Variants in THSD7B observed in about 807,000 individuals in gnomAD.
THSD7B encodes the protein thrombospondin type-1 domain-containing protein 7B.
A neutral mutation model predicts 213.6 loss-of-function variants in THSD7B; 138 were observed. That is an observed-to-expected ratio of 0.65 (90% CI 0.56 to 0.74). THSD7B has a LOEUF of 0.74. THSD7B is among the 30% of genes least tolerant of loss of function. THSD7B has a pLI of 0.00. For missense variants in THSD7B, 1,931 were observed against 1,991.5 expected (o/e 0.97, Z 0.58); for synonymous variants, 742 against 687.0 (o/e 1.08, Z -1.25).
intron 4 of THSD7B, among the ~76,000 whole-genome samples, chr2:137,105,021 C>G (rs531188360): frequency 6.6e-6 from 1 of 152,212 alleles, no homozygotes; most frequent in South Asian, 2.1e-4. Flanking sequence ...CTATTCCAAA[C>G]AATAGAAAAA....
Position 137,638,045 on chromosome 2 carries a change from T to C in THSD7B, c.3800-4443T>C, listed in dbSNP as rs1483827143. 1.3e-5 allele frequency among the ~76,000 whole-genome samples: 2 copies of C among 152,228 alleles called. 1 individual carries two copies. The highest frequency in any genetic ancestry group is 6.3e-3 in the Middle Eastern group (2 of 316). On this transcript the variant is annotated intron_variant, in intron 20 of 27. Transcript: ENST00000409968. Reference sequence around the variant, plus strand: ...GACAACATTTGATGTGAATGATATCTGACCTGTATGATTTGAGTGATGCTG... The same window carrying C: ...GACAACATTTGATGTGAATGATATCCGACCTGTATGATTTGAGTGATGCTG...
intron 2 of THSD7B, chr2:136,990,744 G>A: frequency 2.3e-6 from 1 of 432,988 alleles, no homozygotes; most frequent in Middle Eastern, 3.6e-4. Flanking sequence ...TTTGTAGTTT[G>A]TTCTTCCCCT....
intron 2 of THSD7B, among the ~76,000 whole-genome samples, chr2:137,029,224 A>G (rs184082873): frequency 4.6e-4 from 70 of 151,780 alleles, no homozygotes; most frequent in African/African-American, 1.7e-3. Context: ...GACTACAGGC[A>G]CCTGCCAACA....
chr2:137,282,423 T>G (rs1683047827), intron 12 of THSD7B, among the ~76,000 whole-genome samples: 1 of 152,232 alleles, frequency 6.6e-6, no homozygotes, highest in Non-Finnish European at 1.5e-5. Flanking sequence ...ATCCCATCTG[T>G]CAATGTTGGC....
chr2:137,247,484 C>T (rs1049504351), intron 10 of THSD7B, among the ~76,000 whole-genome samples: 1 of 152,102 alleles, frequency 6.6e-6, no homozygotes, highest in Non-Finnish European at 1.5e-5. Context: ...GGTAAAGTTA[C>T]TAGACTGAAG....
At chr2:137,419,375 C>CTTTTTTTTTTTTTTT (rs1558791227) in intron 14 of THSD7B, among the ~76,000 whole-genome samples, 2 of 96,092 alleles carry the variant, frequency 2.1e-5, no homozygotes, top group Admixed American at 2.3e-4. Flanking sequence ...GTCCTGAGTT[C>CTTTTTTTTTTTTTTT]TTGTCCCACA....
At chr2:137,478,310 A>G (rs534990023) in intron 15 of THSD7B, among the ~76,000 whole-genome samples, 2 of 152,236 alleles carry the variant, frequency 1.3e-5, no homozygotes, top group South Asian at 2.1e-4. Flanking sequence ...TGGAAGACCT[A>G]TCTTAACATT....
chr2:137,085,402 G>A (rs535594490), intron 3 of THSD7B, among the ~76,000 whole-genome samples: 94 of 151,988 alleles, frequency 6.2e-4, no homozygotes, highest in African/African-American at 2.2e-3. Context: ...ATGAGATAAT[G>A]TACAGAGAGA....
intron 3 of THSD7B, among the ~76,000 whole-genome samples, chr2:137,086,197 C>A (rs776955746): frequency 8.6e-5 from 13 of 151,996 alleles, no homozygotes; most frequent in African/African-American, 2.9e-4. Flanking sequence ...ATTAGCTGGG[C>A]GTGATGGTGC....
chr2:137,626,847 T>C (rs564533835), intron 20 of THSD7B, among the ~76,000 whole-genome samples: 1 of 152,332 alleles, frequency 6.6e-6, no homozygotes, highest in Admixed American at 6.5e-5. Flanking sequence ...GTAACAAGGA[T>C]AGTGTTTTAT....
At chr2:136,834,219 A>G (rs1292944596) in intron 1 of THSD7B, among the ~76,000 whole-genome samples, 1 of 152,230 alleles carries the variant, frequency 6.6e-6, no homozygotes, top group African/African-American at 2.4e-5. Flanking sequence ...CCTGGTCAGC[A>G]TCTATCCTGT....
Position 137,103,428 on chromosome 2 carries a change from C to T in THSD7B, c.1199+8307C>T, listed in dbSNP as rs538015290. On this transcript the variant is annotated intron_variant, in intron 4 of 27. Transcript: ENST00000409968. Reference sequence around the variant, plus strand: ...AATCCAGTACCAGCCAATGCAAAAACATACCAAGTTGTAAAGACCATTGAC... The same window carrying T: ...AATCCAGTACCAGCCAATGCAAAAATATACCAAGTTGTAAAGACCATTGAC... Among the ~76,000 whole-genome samples, 5 of 152,240 alleles carry T rather than the reference C, an allele frequency of 3.3e-5. No homozygotes were observed. In the East Asian group the frequency reaches 9.7e-4, roughly 29 times the overall value.
intron 10 of THSD7B, among the ~76,000 whole-genome samples, chr2:137,260,680 G>C (rs759347656): frequency 2.6e-5 from 4 of 152,302 alleles, no homozygotes; most frequent in Non-Finnish European, 5.9e-5. Flanking sequence ...TGAGAGGATT[G>C]CTTGAGCCTG....
intron 14 of THSD7B, among the ~76,000 whole-genome samples, chr2:137,448,147 G>A (rs1317230576): frequency 6.6e-6 from 1 of 152,182 alleles, no homozygotes; most frequent in South Asian, 2.1e-4. Flanking sequence ...TGAGAAACTG[G>A]TTGAAGATAG....
chr2:137,001,232 T>C (rs1011486660), intron 2 of THSD7B, among the ~76,000 whole-genome samples: 9 of 152,140 alleles, frequency 5.9e-5, no homozygotes, highest in Non-Finnish European at 8.8e-5. Flanking sequence ...ATGAGTTTTC[T>C]TTGCCCTTAA....
chr2:136,913,439 A>C (rs535284111), intron 2 of THSD7B, among the ~76,000 whole-genome samples: 21 of 152,382 alleles, frequency 1.4e-4, no homozygotes, highest in African/African-American at 4.6e-4. Flanking sequence ...CGTAAGTAGC[A>C]AGGAGCCTAA....
intron 14 of THSD7B, among the ~76,000 whole-genome samples, chr2:137,420,929 TAG>T (rs1686910186): frequency 6.6e-6 from 1 of 152,192 alleles, no homozygotes; most frequent in Non-Finnish European, 1.5e-5. Flanking sequence ...TTCCCCTTTC[TAG>T]AGTTGCATTC....
intron 12 of THSD7B, among the ~76,000 whole-genome samples, chr2:137,366,416 C>A (rs1685409639): frequency 6.6e-6 from 1 of 151,486 alleles, no homozygotes; most frequent in African/African-American, 2.4e-5. Flanking sequence ...AATTTTAAGC[C>A]TCAGTTTTCT....
At chr2:137,186,359 T>A (rs1254852444) in intron 7 of THSD7B, among the ~76,000 whole-genome samples, 3 of 152,132 alleles carry the variant, frequency 2.0e-5, no homozygotes, top group Non-Finnish European at 4.4e-5. Context: ...ATTTTGTAGT[T>A]TGAGGTCTTC....
Sources: gnomAD v4.1 joint callset for allele counts (sites outside exome capture counted in the v4.1 genomes callset) on GRCh38, gnomAD v4.1.1 for gene constraint, MANE v1.5 for transcripts, NCBI Gene and HGNC (gene_info 2026-07-23, HGNC 2026-07-21) for gene names.